Variants in CD109 observed in about 807,000 individuals in gnomAD.
CD109 encodes CD109 molecule, also known as CD109 antigen.
In CD109, 149 loss-of-function variants were observed where a neutral mutation model predicts 165.8. The ratio of observed to expected loss-of-function variants is 0.90; its 90% confidence interval spans 0.79 to 1.03. The LOEUF is 1.03. Ranked by LOEUF, CD109 falls within the 50% of genes least tolerant of loss-of-function variation. The probability of loss-of-function intolerance (pLI) is 0.00; values close to 1 mark genes in which losing one functional copy is unlikely to be tolerated. For missense variants in CD109, 1,712 were observed against 1,677.8 expected, an observed-to-expected ratio of 1.02 and a Z score of -0.36; for synonymous variants, 585 against 592.1, an observed-to-expected ratio of 0.99 and a Z score of 0.18.
chr6:73,806,707 C>A, intron 24 of CD109, 137 bp from the exon 25 acceptor site: 1 of 612,998 alleles, frequency 1.6e-6, no homozygotes, highest in Non-Finnish European at 2.8e-6. Flanking sequence ...TTTTTTCTTT[C>A]CTTGTTCCAT....
rs1776290502 is a variant in CD109 at position 73,826,804 on chromosome 6, G to A, written c.*3171G>A. ...CCTGCACGTGGAAATATTCAGAATT[G>A]TAGATAGCATAACTCTCCCTGCTCC... On this transcript the variant is annotated 3_prime_UTR_variant, in exon 33 of 33. Transcript: ENST00000287097. The A allele has an allele frequency of 6.6e-6, 1 of 151,252 alleles. No individual in the cohort carries two copies. The highest frequency in any genetic ancestry group is 2.4e-5 in the African/African-American group (1 of 41,192). The allele number at this position is 151,252 out of a possible 1,614,324, so 9.4% of individuals were successfully genotyped here.
chr6:73,816,562 T>C (rs1775944897), intron 30 of CD109, among the ~76,000 whole-genome samples: 1 of 152,174 alleles, frequency 6.6e-6, no homozygotes. Context: ...TTCTTGCTTT[T>C]CTCATTCATT....
At chr6:73,760,564 G>A (rs75408057) in intron 7 of CD109, among the ~76,000 whole-genome samples, 6,211 of 152,020 alleles carry the variant, frequency 0.041, 146 homozygotes, top group Middle Eastern at 0.078. Context: ...GCTAAGTTTG[G>A]GCCAGGTGAG....
chr6:73,707,163 T>C (rs1362774912), intron 2 of CD109, among the ~76,000 whole-genome samples: 1 of 152,248 alleles, frequency 6.6e-6, no homozygotes, highest in East Asian at 1.9e-4. Context: ...GTGGGTTTAC[T>C]GGACTAGAGA....
At chr6:73,780,328 A>G in intron 15 of CD109, 96 bp from the exon 16 acceptor site, 1 of 794,368 alleles carries the variant, frequency 1.3e-6, no homozygotes, top group Non-Finnish European at 2.2e-6. Context: ...TTCAAAGTTG[A>G]TAAACATGAA....
intron 4 of CD109, 75 bp from the exon 5 acceptor site, chr6:73,736,308 A>G (rs1042434044): frequency 6.6e-7 from 1 of 1,514,652 alleles, no homozygotes; most frequent in African/African-American, 1.4e-5. Context: ...GCTGCAAGGC[A>G]TTATTCCTAA....
At chr6:73,715,362 A>G (rs1771696182) in intron 2 of CD109, among the ~76,000 whole-genome samples, 1 of 152,068 alleles carries the variant, frequency 6.6e-6, no homozygotes, top group Non-Finnish European at 1.5e-5. Flanking sequence ...TAGGAGTTTG[A>G]GAGCAGCCTG....
In CD109 at chr6:73,698,568, A is replaced by G. The variant is rs115093641; in HGVS notation, c.247+996A>G. Among the ~76,000 whole-genome samples, 879 of 152,356 alleles carry G rather than the reference A, an allele frequency of 5.8e-3. 3 individuals are homozygous for G. The highest frequency in any genetic ancestry group is 0.019 in the African/African-American group (797 of 41,582). On this transcript the variant is annotated intron_variant, in intron 2 of 32. Coordinates refer to ENST00000287097, the MANE Select transcript of CD109 (RefSeq NM_133493.5). ...ATGAAGGGTGGTTGGTATTCATTAC[A>G]TAAGTGTTTATTCTCTACAAGCGTA...
intron 2 of CD109, among the ~76,000 whole-genome samples, chr6:73,707,100 C>T (rs1490447841): frequency 6.6e-6 from 1 of 152,140 alleles, no homozygotes; most frequent in Admixed American, 6.5e-5. Flanking sequence ...TGTCCTCCCA[C>T]GTTGATTATA....
At chr6:73,716,373 T>TCACAACC (rs1771746349) in intron 2 of CD109, among the ~76,000 whole-genome samples, 1 of 152,232 alleles carries the variant, frequency 6.6e-6, no homozygotes, top group Non-Finnish European at 1.5e-5. Flanking sequence ...CCATAGTGGT[T>TCACAACC]GTGCTAATTT....
At chr6:73,811,826 C>T (rs548406489) in intron 28 of CD109, among the ~76,000 whole-genome samples, 1 of 152,208 alleles carries the variant, frequency 6.6e-6, no homozygotes, top group Admixed American at 6.5e-5. Flanking sequence ...AAGTTAGGCA[C>T]AGTCATAGAC....
intron 32 of CD109, among the ~76,000 whole-genome samples, chr6:73,822,029 T>C (rs1284058607): frequency 6.6e-6 from 1 of 152,180 alleles, no homozygotes; most frequent in Non-Finnish European, 1.5e-5. Context: ...TTTTTAAAAG[T>C]GTGTCAAGAA....
rs75807319 is a variant in CD109, at chr6:73,791,192, C to T, written c.2702-1434C>T. 6.5e-3 allele frequency among the ~76,000 whole-genome samples: 451 copies of T among 69,006 alleles called. 19 individuals are homozygous for T. Among genetic ancestry groups the T allele is most frequent in the East Asian group, 0.023 (44 of 1,926 alleles). The allele number at this position is 69,006 out of a possible 152,430, so 45.3% of individuals were successfully genotyped here. A position where few individuals can be genotyped will look rare whatever the true frequency, so the allele number is the denominator to read the frequency against. ...ATATATATATACACACACACACATA[C>T]ATATATATATATATATATATATATA... On this transcript the variant is annotated intron_variant, in intron 22 of 32. Coordinates refer to ENST00000287097, the MANE Select transcript of CD109 (RefSeq NM_133493.5).
At chr6:73,784,173 A>G (rs780277385) in intron 19 of CD109, among the ~76,000 whole-genome samples, 4 of 152,198 alleles carry the variant, frequency 2.6e-5, no homozygotes, top group Non-Finnish European at 4.4e-5. Flanking sequence ...TTCAAGAATG[A>G]ACAGAACTTC....
chr6:73,795,306 C>T (rs1402565408), intron 23 of CD109, among the ~76,000 whole-genome samples: 3 of 150,908 alleles, frequency 2.0e-5, no homozygotes, highest in South Asian at 2.1e-4. Context: ...ATGCTTTAAA[C>T]AGAAAGCATA....
chr6:73,811,524 T>C (rs1336207681), intron 28 of CD109, among the ~76,000 whole-genome samples: 1 of 152,114 alleles, frequency 6.6e-6, no homozygotes, highest in Non-Finnish European at 1.5e-5. Flanking sequence ...AAACTGAGGC[T>C]GAGAGAGGTT....
At chr6:73,778,251 G>A (rs917116261) in intron 15 of CD109, among the ~76,000 whole-genome samples, 6 of 152,286 alleles carry the variant, frequency 3.9e-5, no homozygotes, top group South Asian at 2.1e-4. Flanking sequence ...TTCACACATC[G>A]AGGCTTTCCT....
At chr6:73,744,116 G>A (rs1414637098) in intron 5 of CD109, among the ~76,000 whole-genome samples, 1 of 152,176 alleles carries the variant, frequency 6.6e-6, no homozygotes, top group Non-Finnish European at 1.5e-5. Context: ...CATTCACATT[G>A]TGGTGCAACC....
intron 32 of CD109, among the ~76,000 whole-genome samples, chr6:73,821,082 C>T (rs990645724): frequency 6.6e-5 from 10 of 152,046 alleles, no homozygotes; most frequent in East Asian, 3.9e-4. Context: ...GCTGCATGTT[C>T]GCACTCATAG....
Sources: gnomAD v4.1 joint callset for allele counts (sites outside exome capture counted in the v4.1 genomes callset) on GRCh38, gnomAD v4.1.1 for gene constraint, MANE v1.5 for transcripts, NCBI Gene and HGNC (gene_info 2026-07-23, HGNC 2026-07-21) for gene names.